The following SLCO1A2 variants were observed in gnomAD, a reference collection of about 807,000 sequenced individuals.
The protein encoded by SLCO1A2 is solute carrier organic anion transporter family member 1A2.
A neutral mutation model predicts 69.0 loss-of-function variants in SLCO1A2; 67 were observed. The ratio of observed to expected loss-of-function variants is 0.97; its 90% CI spans 0.80 to 1.19. SLCO1A2 has a LOEUF of 1.19. Among genes scored for constraint, SLCO1A2 ranks in the 50% most tolerant of loss-of-function variants. The pLI, the probability that SLCO1A2 is intolerant of heterozygous loss-of-function variation, is 0.00. For synonymous variants in SLCO1A2, 260 were observed against 265.9 expected, an observed-to-expected ratio of 0.98 and a Z score of 0.22; for missense variants, 787 against 793.7, an observed-to-expected ratio of 0.99 and a Z score of 0.10.
chr12:21,418,532 G>A (rs1942024224), upstream of SLCO1A2, among the ~76,000 whole-genome samples: 1 of 152,128 alleles, frequency 6.6e-6, no homozygotes, highest in Non-Finnish European at 1.5e-5. Flanking sequence ...GAAGGCAAAA[G>A]GCATGTCTTA....
At chr12:21,404,271 A>C (rs929001765) in intron 1 of SLCO1A2, among the ~76,000 whole-genome samples, 2 of 152,160 alleles carry the variant, frequency 1.3e-5, no homozygotes, top group African/African-American at 4.8e-5. Context: ...ATACATGTGC[A>C]GGGCATGCAG....
At chr12:21,352,072 C>A (rs1373865604) in intron 2 of SLCO1A2, among the ~76,000 whole-genome samples, 1 of 152,146 alleles carries the variant, frequency 6.6e-6, no homozygotes, top group Non-Finnish European at 1.5e-5. Flanking sequence ...CAAGATGCCT[C>A]CAGGGTCTCA....
upstream of SLCO1A2, chr12:21,419,035 G>C (rs1451514474): frequency 1.3e-5 from 2 of 152,224 alleles, no homozygotes; most frequent in African/African-American, 2.4e-5. Context: ...CCCACTATGT[G>C]AGGCTAATAA....
At position 21,289,879 on chromosome 12, in the gene SLCO1A2, AGCACTAGAATT is replaced by A. The variant is rs200668907; in HGVS notation, c.1610+2274_1610+2284del. Among the ~76,000 whole-genome samples the A allele has an allele frequency of 1.6e-3, 250 of 152,264 alleles. 2 individuals carry two copies. The East Asian group carries it at 0.035, about 21-fold the overall frequency. ...CATCTGATGCAAAGTCTATGCAGATAGCACTAGAATTGCATGGAACAGTAGAACACCCAGTT... is the reference window on the plus strand; with the variant it reads ...CATCTGATGCAAAGTCTATGCAGATAGCATGGAACAGTAGAACACCCAGTT... On this transcript the variant is annotated intron_variant, in intron 12 of 14. Transcript: ENST00000683939.
intron 2 of SLCO1A2, among the ~76,000 whole-genome samples, chr12:21,350,014 G>C (rs1418356281): frequency 6.6e-6 from 1 of 152,122 alleles, no homozygotes; most frequent in Admixed American, 6.6e-5. Context: ...ATGCATATTA[G>C]TATTTGCTGA....
chr12:21,393,734 T>A (rs891543688), intron 1 of SLCO1A2, among the ~76,000 whole-genome samples: 2 of 152,202 alleles, frequency 1.3e-5, no homozygotes, highest in African/African-American at 2.4e-5. Flanking sequence ...AAGGTATATA[T>A]CTCAGAAATT....
chr12:21,387,048 C>T (rs1261760130), intron 1 of SLCO1A2, among the ~76,000 whole-genome samples: 1 of 152,152 alleles, frequency 6.6e-6, no homozygotes, highest in Non-Finnish European at 1.5e-5. Flanking sequence ...TCTTGCTATG[C>T]TTTAGCAAAG....
rs779103705 is a variant in SLCO1A2, at chr12:21,304,490, G to A, written c.526C>T (p.Leu176=). The change falls in exon 6 of 15, where the codon CTG becomes TTG. Residue 176 remains leucine, a synonymous_variant. Coordinates refer to ENST00000683939, the MANE Select transcript of SLCO1A2 (RefSeq NM_001386879.1). The part of the protein sequence containing the change: ...IVRGMGETPI[L]PLGISYIEDF... ...TCTATATAGGAAATACCCAAAGGCA[G>A]GATGGGAGTTTCACCCATTCCACGT... 1.2e-6 allele frequency: 2 copies of A among 1,612,522 alleles called. No homozygotes were observed. The highest frequency in any genetic ancestry group is 8.5e-7 in the Non-Finnish European group (1 of 1,178,660).
chr12:21,306,985 A>G lies in SLCO1A2; in HGVS notation c.339T>C (p.Tyr113=), dbSNP rs1056739011. The G allele has an allele frequency of 5.6e-6, 9 of 1,599,310 alleles. No homozygotes were observed. The highest frequency in any genetic ancestry group is 7.7e-6 in the Non-Finnish European group (9 of 1,166,580). The stretch of plus-strand genomic sequence containing the variant: ...AAACTGAAACTGTAGATTCATATTC[A>G]TATCTGTATAAACACAGGGAAAATG... ...KSLPHFLMNQ[Y]EYESTVSVSG... is the part of the protein sequence containing the mutation. Residue 113 remains tyrosine, a synonymous_variant, in exon 5 of 15, where the codon TAT becomes TAC. Coordinates refer to ENST00000683939, the MANE Select transcript of SLCO1A2 (RefSeq NM_001386879.1).
chr12:21,304,729 C>T (rs1184522539), intron 5 of SLCO1A2, among the ~76,000 whole-genome samples, 156 bp from the exon 6 acceptor site: 1 of 152,124 alleles, frequency 6.6e-6, no homozygotes, highest in Non-Finnish European at 1.5e-5. Context: ...TCAGGGCACC[C>T]CTAGTGCATT....
intron 14 of SLCO1A2, among the ~76,000 whole-genome samples, chr12:21,270,672 A>G (rs932864928): frequency 1.3e-5 from 2 of 151,510 alleles, no homozygotes; most frequent in Admixed American, 6.6e-5. Context: ...AAGTAACTAT[A>G]AAAATATTCA....
chr12:21,379,529 A>G (rs1940451613), intron 1 of SLCO1A2: 1 of 152,226 alleles, frequency 6.6e-6, no homozygotes, highest in African/African-American at 2.4e-5. Flanking sequence ...AACAAATTAG[A>G]CATTTCTGGC....
chr12:21,390,064 G>A (rs1181509383), intron 1 of SLCO1A2, among the ~76,000 whole-genome samples: 6 of 151,552 alleles, frequency 4.0e-5, no homozygotes, highest in African/African-American at 7.3e-5. Flanking sequence ...ATACTGTTAC[G>A]CTAGATCACC....
At chr12:21,408,346 T>C (rs1473113483) in intron 1 of SLCO1A2, among the ~76,000 whole-genome samples, 1 of 152,110 alleles carries the variant, frequency 6.6e-6, no homozygotes, top group Non-Finnish European at 1.5e-5. Context: ...ATACTCTTCT[T>C]TGAATAAATA....
chr12:21,342,771 C>A (rs1296504519), intron 2 of SLCO1A2, among the ~76,000 whole-genome samples: 1 of 151,668 alleles, frequency 6.6e-6, no homozygotes, highest in Non-Finnish European at 1.5e-5. Flanking sequence ...AAAATAAAAC[C>A]TTTTTTGAGA....
intron 4 of SLCO1A2, among the ~76,000 whole-genome samples, chr12:21,308,758 G>A (rs761597738): frequency 9.2e-5 from 14 of 152,202 alleles, no homozygotes; most frequent in South Asian, 2.1e-4. Flanking sequence ...AGCCATGTGC[G>A]AAACAGCCAG....
intron 1 of SLCO1A2, among the ~76,000 whole-genome samples, chr12:21,401,490 A>C (rs1941702907): frequency 6.6e-6 from 1 of 151,894 alleles, no homozygotes; most frequent in Non-Finnish European, 1.5e-5. Flanking sequence ...CTGGACCAAA[A>C]AACCTCCATA....
At chr12:21,374,290 T>A (rs1471930275) in intron 2 of SLCO1A2, 4 of 152,348 alleles carry the variant, frequency 2.6e-5, no homozygotes. Flanking sequence ...TGTGCATAAG[T>A]CATAAATAAC....
intron 1 of SLCO1A2, chr12:21,378,862 G>T (rs1940399118): frequency 6.1e-6 from 1 of 164,680 alleles, no homozygotes; most frequent in East Asian, 1.7e-4. Flanking sequence ...AGATCACAAG[G>T]TCAGGAGTTC....
Sources: gnomAD v4.1 joint callset for allele counts (sites outside exome capture counted in the v4.1 genomes callset) on GRCh38, gnomAD v4.1.1 for gene constraint, MANE v1.5 for transcripts, NCBI Gene and HGNC (gene_info 2026-07-23, HGNC 2026-07-21) for gene names.